The following IQSEC1 variants were observed in gnomAD, a reference collection of about 807,000 sequenced individuals.
IQSEC1 encodes the protein IQ motif and SEC7 domain-containing protein 1.
Under a neutral mutation model 91.0 loss-of-function variants are expected in IQSEC1, and 31 were observed. The observed-to-expected ratio is 0.34, with a 90% CI of 0.26 to 0.46. IQSEC1 has a LOEUF of 0.46. Ranked by LOEUF, IQSEC1 falls within the 20% of genes least tolerant of loss-of-function variation. IQSEC1 has a pLI of 1.00. For missense variants in IQSEC1, 1,388 were observed against 1,575.6 expected (o/e 0.88, Z 2.02); for synonymous variants, 699 against 662.6 (o/e 1.05, Z -0.84).
intron 1 of IQSEC1, among the ~76,000 whole-genome samples, chr3:13,199,354 T>C (rs1352179744): frequency 6.6e-6 from 1 of 152,162 alleles, no homozygotes; most frequent in Non-Finnish European, 1.5e-5. Context: ...ACTGAGAAAA[T>C]GGGCGTGGGC....
At chr3:12,958,492 C>T (rs550849987) in intron 1 of IQSEC1, among the ~76,000 whole-genome samples, 1 of 152,204 alleles carries the variant, frequency 6.6e-6, no homozygotes, top group Non-Finnish European at 1.5e-5. Context: ...CACACAAAAT[C>T]CTCAGCCTGG....
In IQSEC1 at chr3:13,124,875, G is replaced by C. The variant is rs149030169; in HGVS notation, c.302+39229C>G. Reference sequence around the variant, plus strand: ...CCTGCCAGCAGTCGTTCAGCATTATGGTGAGGGTAGGTCCCCGATCCATAT... The same window carrying C: ...CCTGCCAGCAGTCGTTCAGCATTATCGTGAGGGTAGGTCCCCGATCCATAT... On this transcript the variant is annotated intron_variant, in intron 2 of 15. Transcript: ENST00000648114. 6.2e-3 allele frequency among the ~76,000 whole-genome samples: 947 copies of C among 152,226 alleles called. 16 individuals carry two copies. Among genetic ancestry groups the C allele is most frequent in the African/African-American group, 0.02 (846 of 41,540 alleles).
chr3:13,083,704 C>T (rs896340501), intron 2 of IQSEC1, among the ~76,000 whole-genome samples: 2 of 152,248 alleles, frequency 1.3e-5, no homozygotes, highest in African/African-American at 2.4e-5. Context: ...GGTGTCTCCT[C>T]CAAGAGCTGT....
intron 12 of IQSEC1, among the ~76,000 whole-genome samples, chr3:12,905,463 G>A (rs1400890230): frequency 3.9e-5 from 6 of 152,264 alleles, no homozygotes; most frequent in African/African-American, 7.2e-5. Context: ...AGCCAGGCAT[G>A]CCTGAAAGGC....
At position 12,900,385 on chromosome 3, in the gene IQSEC1, T is replaced by C. The variant is rs1027435026; in HGVS notation, c.*598A>G. On this transcript the variant is annotated 3_prime_UTR_variant, in exon 14 of 14. Coordinates refer to ENST00000613206, the MANE Select transcript of IQSEC1 (RefSeq NM_001134382.3). ...TTCCTATTAGGTAAGTGGAGCTCCT[T>C]GTAAGGTGGGTATTGCTAATGTGGA... 1.0e-6 allele frequency: 1 copy of C among 984,684 alleles called. No homozygotes were observed. The highest frequency in any genetic ancestry group is 1.8e-5 in the African/African-American group (1 of 57,068). The allele number at this position is 984,684 out of a possible 1,614,324, so 61.0% of individuals were successfully genotyped here. A position where few individuals can be genotyped will look rare whatever the true frequency, so the allele number is the denominator to read the frequency against.
intron 1 of IQSEC1, among the ~76,000 whole-genome samples, chr3:12,966,906 G>C (rs1284301844): frequency 6.6e-6 from 1 of 152,160 alleles, no homozygotes; most frequent in Non-Finnish European, 1.5e-5. Context: ...AGACAGGCCT[G>C]CAAGAGGCCT....
chr3:13,154,670 G>T (rs548247131), intron 2 of IQSEC1, among the ~76,000 whole-genome samples: 4 of 150,484 alleles, frequency 2.7e-5, no homozygotes, highest in East Asian at 1.9e-4. Context: ...TCAACAGAAC[G>T]CAGAGTCCTC....
intron 2 of IQSEC1, among the ~76,000 whole-genome samples, chr3:13,138,260 C>T (rs1168777252): frequency 6.6e-6 from 1 of 152,050 alleles, no homozygotes; most frequent in Non-Finnish European, 1.5e-5. Flanking sequence ...ATCGACGAGA[C>T]AAGGCACTCT....
Position 12,918,124 on chromosome 3 carries a change from CCCTT to C in IQSEC1, c.2020+2302_2020+2305del, listed in dbSNP as rs372921367. Among the ~76,000 whole-genome samples, 28 of 152,348 alleles carry C rather than the reference CCCTT, an allele frequency of 1.8e-4. No homozygotes were observed. In the East Asian group the frequency reaches 5.2e-3, roughly 28 times the overall value. On this transcript the variant is annotated intron_variant, in intron 6 of 13. Coordinates refer to ENST00000613206, the MANE Select transcript of IQSEC1 (RefSeq NM_001134382.3). ...TTGGTTGATGTGACCCTGGGCAGGT[CCCTT>C]CCTTCTCTGAGCCCTGATCACCCAT... is the stretch of plus-strand genomic sequence containing the variant.
intron 1 of IQSEC1, among the ~76,000 whole-genome samples, chr3:13,000,854 T>C (rs1256351996): frequency 2.0e-5 from 3 of 152,206 alleles, no homozygotes; most frequent in Admixed American, 6.5e-5. Context: ...ACTATCTCTA[T>C]TCCTGCAGAT....
intron 2 of IQSEC1, among the ~76,000 whole-genome samples, chr3:13,105,347 G>A (rs1706135985): frequency 6.6e-6 from 1 of 152,138 alleles, no homozygotes; most frequent in African/African-American, 2.4e-5. Flanking sequence ...GGAGTCCAGG[G>A]TCCTGGCCAC....
Position 12,908,030 on chromosome 3 carries a change from C to T in IQSEC1, c.2755+319G>A, listed in dbSNP as rs1695170158. 6.6e-6 allele frequency among the ~76,000 whole-genome samples: 1 copy of T among 152,208 alleles called. No individual in the cohort carries two copies. Among genetic ancestry groups the T allele is most frequent in the African/African-American group, 2.4e-5 (1 of 41,452 alleles). On this transcript the variant is annotated intron_variant, in intron 12 of 13. Transcript: ENST00000613206. The surrounding 1 kb of genome is among the most constrained non-coding windows in gnomAD (Gnocchi z 4.9). ...AGCACGGGACACAGCCGCCGGCTCACTCGGGCTAGAGCGACTTCCCAGATC... is the reference window on the plus strand; with the variant it reads ...AGCACGGGACACAGCCGCCGGCTCATTCGGGCTAGAGCGACTTCCCAGATC...
In IQSEC1 at chr3:12,909,453, G is replaced by C. The variant is rs1695350337; in HGVS notation, c.2417-19C>G. On this transcript the variant is annotated intron_variant, in intron 10 of 13. Coordinates refer to ENST00000613206, the MANE Select transcript of IQSEC1 (RefSeq NM_001134382.3). The surrounding 1 kb of genome is among the most constrained non-coding windows in gnomAD (Gnocchi z 4.9). ...GGGTAGTCTGCAAAAGGGAAGGAGA[G>C]GGGAGGAGGCCCACGGGTCTCAGTG... 1 of 1,610,292 alleles carries C rather than the reference G, an allele frequency of 6.2e-7. No individual in the cohort carries two copies. The highest frequency in any genetic ancestry group is 1.1e-5 in the South Asian group (1 of 90,758).
chr3:13,150,575 T>C (rs1409898164), intron 2 of IQSEC1, among the ~76,000 whole-genome samples: 2 of 151,548 alleles, frequency 1.3e-5, no homozygotes, highest in East Asian at 3.9e-4. Flanking sequence ...TGGGGAAGAG[T>C]CGGGGCAGCA....
At position 12,994,226 on chromosome 3, in the gene IQSEC1, C is replaced by T. The variant is rs988363569; in HGVS notation, c.24-52361G>A. Among the ~76,000 whole-genome samples, 7 of 149,382 alleles carry T rather than the reference C, an allele frequency of 4.7e-5. No individual in the cohort carries two copies. The highest frequency in any genetic ancestry group is 3.3e-4 in the Admixed American group (5 of 15,042). On this transcript the variant is annotated intron_variant, in intron 1 of 13. Transcript: ENST00000613206. This position sits in a 1 kb window ranked among gnomAD's most constrained non-coding sequence, Gnocchi z 4.5. ...CCGAGCCCGATACCAGCGCCACCGGCGGGGCGGCCTCCCCGCGCGCCGCCC... is the reference window on the plus strand; with the variant it reads ...CCGAGCCCGATACCAGCGCCACCGGTGGGGCGGCCTCCCCGCGCGCCGCCC...
At chr3:13,268,298 C>T (rs1347716499) in intron 1 of IQSEC1, among the ~76,000 whole-genome samples, 1 of 152,234 alleles carries the variant, frequency 6.6e-6, no homozygotes, top group Non-Finnish European at 1.5e-5. Context: ...ACAAGAACTT[C>T]ACCTCTTTGA....
intron 1 of IQSEC1, among the ~76,000 whole-genome samples, chr3:13,021,703 G>C (rs1422079987): frequency 2.6e-5 from 4 of 152,246 alleles, no homozygotes; most frequent in Admixed American, 2.6e-4. Context: ...TCGCTGGTGG[G>C]TAACAGGCTC....
At chr3:13,131,218 C>A (rs358391) in intron 2 of IQSEC1, among the ~76,000 whole-genome samples, 28,536 of 151,926 alleles carry the variant, frequency 0.19, 3,083 homozygotes, top group African/African-American at 0.29. Context: ...TATGGAGTGA[C>A]CTTCTTTATT....
chr3:12,936,060 C>T lies in IQSEC1; in HGVS notation c.956G>A (p.Arg319Gln), dbSNP rs748215013. ...TGGGGCTGCGCCCCCAGCCCGTAGC[C>T]GCAGGTCCGACTCGGTGCTGGACGG... ...DRPSSTESDL[R>Q]LRAGGAAPDY... Residue 319 changes from arginine to glutamine, a missense_variant, in exon 3 of 14, where the codon CGG (arginine) becomes CAG (glutamine). By Grantham distance (43) the Arg-to-Gln change is conservative (BLOSUM62 1). Around this residue, in one of 2 missense-constraint regions of IQSEC1, gnomAD observed 1,059 missense variants for 1,317.8 expected, o/e 0.80. Transcript: ENST00000613206. 59 of 1,606,702 alleles carry T rather than the reference C, an allele frequency of 3.7e-5. No individual in the cohort carries two copies. The highest frequency in any genetic ancestry group is 1.1e-4 in the South Asian group (10 of 91,060).
Sources: allele counts gnomAD v4.1 joint callset (sites outside exome capture counted in the v4.1 genomes callset), GRCh38; gene constraint gnomAD v4.1.1; regional missense constraint gnomAD v4.1.1; non-coding constraint Gnocchi (gnomAD v3.1); transcripts MANE v1.5; gene names NCBI Gene and HGNC (gene_info 2026-07-23, HGNC 2026-07-21).